OCA2: variants seen among roughly 807,000 people sequenced by gnomAD.
OCA2 encodes OCA2 melanosomal transmembrane protein.
OCA2 carries 77 observed loss-of-function variants against 100.2 expected under a neutral mutation model. That is an observed-to-expected ratio of 0.77 (90% CI 0.64 to 0.93). OCA2 has a LOEUF of 0.93. Among genes scored for constraint, OCA2 ranks in the 40% least tolerant of loss-of-function variants. The pLI is 0.00. For synonymous variants in OCA2, 432 were observed against 439.2 expected, an observed-to-expected ratio of 0.98 and a Z score of 0.21; for missense variants, 1,062 against 1,089.1, an observed-to-expected ratio of 0.98 and a Z score of 0.35.
rs566842293 is a variant in OCA2 at position 27,861,725 on chromosome 15, T to C, written c.2244+9429A>G. Among the ~76,000 whole-genome samples, 6 of 152,168 alleles carry C rather than the reference T, an allele frequency of 3.9e-5. No homozygotes were observed. In the East Asian group the frequency reaches 1.2e-3, roughly 29 times the overall value. ...CATGGATTATGGAAGAAAAACTCAA[T>C]TGCAGTAAAGCCAAGAAAAAGTGAA... On this transcript the variant is annotated intron_variant, in intron 21 of 23. Transcript: ENST00000354638.
At chr15:27,777,128 A>G (rs1374370831) in intron 23 of OCA2, among the ~76,000 whole-genome samples, 1 of 152,072 alleles carries the variant, frequency 6.6e-6, no homozygotes, top group Non-Finnish European at 1.5e-5. Flanking sequence ...ACAGGCGAGC[A>G]TTGGCCCCAC....
At chr15:27,946,456 T>C (rs991300790) in intron 18 of OCA2, among the ~76,000 whole-genome samples, 1 of 152,188 alleles carries the variant, frequency 6.6e-6, no homozygotes, top group Admixed American at 6.5e-5. Context: ...TGTGTTCAAA[T>C]AAGGCAAACG....
chr15:27,757,571 C>G (rs1292398804), intron 23 of OCA2, among the ~76,000 whole-genome samples: 2 of 152,258 alleles, frequency 1.3e-5, no homozygotes, highest in African/African-American at 2.4e-5. Context: ...CCACAATACA[C>G]TAGCTTAGGG....
intron 19 of OCA2, among the ~76,000 whole-genome samples, chr15:27,880,887 A>G (rs1402635898): frequency 6.6e-6 from 1 of 152,146 alleles, no homozygotes. Context: ...AACTTCCAAT[A>G]CTATGTTGAA....
At chr15:27,993,595 T>G (rs1489253898) in intron 9 of OCA2, among the ~76,000 whole-genome samples, 1 of 152,212 alleles carries the variant, frequency 6.6e-6, no homozygotes, top group African/African-American at 2.4e-5. Flanking sequence ...TCAGGACAGC[T>G]GGGCTCATCG....
At chr15:27,921,924 A>G (rs2038872595) in intron 19 of OCA2, among the ~76,000 whole-genome samples, 1 of 151,988 alleles carries the variant, frequency 6.6e-6, no homozygotes, top group South Asian at 2.1e-4. Flanking sequence ...CTGGTCTCAA[A>G]CTCCTGAAAC....
chr15:28,068,081 C>T (rs1210530754), intron 2 of OCA2, among the ~76,000 whole-genome samples: 2 of 152,080 alleles, frequency 1.3e-5, no homozygotes, highest in Non-Finnish European at 2.9e-5. Flanking sequence ...CTATGTTATG[C>T]CCTTCATTGT....
chr15:28,062,267 G>A (rs1022630112), intron 2 of OCA2, among the ~76,000 whole-genome samples: 4 of 152,178 alleles, frequency 2.6e-5, no homozygotes, highest in African/African-American at 9.6e-5. Flanking sequence ...ATCCTATTGG[G>A]TGTCAAATGG....
At chr15:28,093,708 G>C (rs867387648) in intron 1 of OCA2, among the ~76,000 whole-genome samples, 1 of 152,184 alleles carries the variant, frequency 6.6e-6, no homozygotes, top group Non-Finnish European at 1.5e-5. Context: ...CTGTCCGTAG[G>C]GGAGTGTGAA....
intron 23 of OCA2, among the ~76,000 whole-genome samples, chr15:27,808,635 G>T (rs2033954506): frequency 6.6e-6 from 1 of 152,112 alleles, no homozygotes; most frequent in Non-Finnish European, 1.5e-5. Context: ...AGAAAAACGT[G>T]ACTGAATTGA....
intron 1 of OCA2, among the ~76,000 whole-genome samples, chr15:28,089,205 C>G (rs1312336824): frequency 6.6e-6 from 1 of 152,174 alleles, no homozygotes; most frequent in African/African-American, 2.4e-5. Context: ...TTGCTGTTAT[C>G]CTGTTCTTTT....
chr15:27,835,983 A>C (rs1595490190), intron 23 of OCA2, among the ~76,000 whole-genome samples: 2 of 152,320 alleles, frequency 1.3e-5, no homozygotes, highest in South Asian at 4.1e-4. Context: ...CCTCTTCTGC[A>C]CCAGCTCTCC....
chr15:27,980,284 C>T (rs943026201), intron 14 of OCA2, among the ~76,000 whole-genome samples: 8 of 152,032 alleles, frequency 5.3e-5, no homozygotes, highest in South Asian at 2.1e-4. Context: ...CCCAATACCA[C>T]GCCTGGCTAA....
At chr15:27,836,116 A>G (rs1158084814) in intron 23 of OCA2, among the ~76,000 whole-genome samples, 2 of 152,090 alleles carry the variant, frequency 1.3e-5, no homozygotes, top group Admixed American at 1.3e-4. Context: ...TGCCCCACTC[A>G]TTGTAACCTT....
chr15:27,844,137 A>G (rs1175535170), intron 23 of OCA2, among the ~76,000 whole-genome samples: 2 of 152,160 alleles, frequency 1.3e-5, no homozygotes, highest in Non-Finnish European at 2.9e-5. Context: ...GTCAGCAGTC[A>G]GGGCCCCAGC....
At chr15:27,940,188 A>G (rs1459365704) in intron 18 of OCA2, among the ~76,000 whole-genome samples, 1 of 152,244 alleles carries the variant, frequency 6.6e-6, no homozygotes, top group African/African-American at 2.4e-5. Context: ...GTGGGCCACT[A>G]TGTAATATTC....
At chr15:27,983,323 A>G (rs1474237248) in intron 14 of OCA2, 22 bp downstream of exon 14, 1 of 1,613,986 alleles carries the variant, frequency 6.2e-7, no homozygotes, top group African/African-American at 1.3e-5. Flanking sequence ...ACTGGAAGCA[A>G]CCCTAGCATG....
intron 23 of OCA2, among the ~76,000 whole-genome samples, chr15:27,763,930 C>A (rs1021763790): frequency 6.6e-6 from 1 of 152,114 alleles, no homozygotes; most frequent in Non-Finnish European, 1.5e-5. Flanking sequence ...CAGGCCAAGG[C>A]CAACACTGCC....
At position 28,014,910 on chromosome 15, in the gene OCA2, T is replaced by C. The variant is rs758386323; in HGVS notation, c.910A>G (p.Ile304Val). ...VLTRETVSIS[I>V]RASLQQTQAV... ...TGGGTCTGCTGCAGGGAGGCCCGGA[T>C]GCTGATGGACACCGTCTCTCTGCAG... The change falls in exon 9 of 24, where the codon ATC becomes GTC. Residue 304 changes from isoleucine to valine, a missense_variant. Physicochemically the swap from Ile to Val is conservative, Grantham distance 29. Transcript: ENST00000354638. 3 of 1,614,164 alleles carry C rather than the reference T, an allele frequency of 1.9e-6. No individual in the cohort carries two copies. Among genetic ancestry groups the C allele is most frequent in the Admixed American group, 3.3e-5 (2 of 60,018 alleles).
Sources: gnomAD v4.1 joint callset for allele counts (sites outside exome capture counted in the v4.1 genomes callset) on GRCh38, gnomAD v4.1.1 for gene constraint, MANE v1.5 for transcripts, NCBI Gene and HGNC (gene_info 2026-07-23, HGNC 2026-07-21) for gene names.